Variants in CAPN8 observed in about 807,000 individuals in gnomAD.
CAPN8 encodes the protein calpain 8, also known as calpain-8.
A neutral mutation model predicts 80.9 loss-of-function variants in CAPN8; 87 were observed. The observed-to-expected ratio is 1.07, with a 90% CI of 0.90 to 1.28. The LOEUF is 1.28. CAPN8 is among the 50% of genes most tolerant of loss of function. The pLI, the probability that CAPN8 is intolerant of heterozygous loss-of-function variation, is 0.00. For missense variants in CAPN8, 757 were observed against 702.0 expected, an observed-to-expected ratio of 1.08 and a Z score of -0.89; for synonymous variants, 299 against 273.8, an observed-to-expected ratio of 1.09 and a Z score of -0.91.
intron 2 of CAPN8, chr1:223,629,045 A>C (rs558859154): frequency 6.2e-5 from 27 of 437,782 alleles, no homozygotes; most frequent in Non-Finnish European, 1.1e-4. Flanking sequence ...CCACTCCTAC[A>C]CATTCAGCCA....
At chr1:223,550,854 C>T in intron 15 of CAPN8, 106 bp downstream of exon 15, 1 of 642,960 alleles carries the variant, frequency 1.6e-6, no homozygotes, top group South Asian at 1.8e-5. Context: ...CACCAATGCC[C>T]TTTCTCCCAC....
intron 2 of CAPN8, among the ~76,000 whole-genome samples, chr1:223,642,449 C>T (rs773160549): frequency 1.3e-5 from 2 of 152,178 alleles, no homozygotes; most frequent in Non-Finnish European, 2.9e-5. Flanking sequence ...GTTCCCATGA[C>T]GACCCAGAAG....
intron 10 of CAPN8, among the ~76,000 whole-genome samples, chr1:223,613,354 G>T (rs1324333076): frequency 2.6e-5 from 4 of 152,238 alleles, no homozygotes; most frequent in Non-Finnish European, 5.9e-5. Flanking sequence ...GGCCTCACAA[G>T]TATCTTCCTG....
chr1:223,556,061 T>C (rs1656900689), intron 13 of CAPN8, among the ~76,000 whole-genome samples: 1 of 152,260 alleles, frequency 6.6e-6, no homozygotes, highest in African/African-American at 2.4e-5. Context: ...TTATATCACA[T>C]GTTGGGAATG....
intron 2 of CAPN8, among the ~76,000 whole-genome samples, chr1:223,634,595 G>T (rs879496142): frequency 2.6e-5 from 4 of 152,152 alleles, no homozygotes; most frequent in African/African-American, 7.2e-5. Context: ...CACAAGTCTA[G>T]AGGCTGGGAA....
intron 6 of CAPN8, 39 bp from the exon 7 acceptor site, chr1:223,622,939 T>C (rs1268204755): frequency 2.0e-6 from 3 of 1,491,412 alleles, no homozygotes; most frequent in Non-Finnish European, 2.7e-6. Flanking sequence ...TGAATTACTA[T>C]GCTCCTGTTG....
chr1:223,639,074 T>C (rs1317127510), intron 2 of CAPN8, among the ~76,000 whole-genome samples: 2 of 152,084 alleles, frequency 1.3e-5, no homozygotes, highest in African/African-American at 4.8e-5. Flanking sequence ...ACCCTGTCTC[T>C]ATTAAAAATA....
chr1:223,658,998 CCACA>C (rs1658567760), intron 1 of CAPN8, among the ~76,000 whole-genome samples: 1 of 152,134 alleles, frequency 6.6e-6, no homozygotes, highest in South Asian at 2.1e-4. Flanking sequence ...TGCCACCTAC[CCACA>C]CTTAGAACCC....
chr1:223,558,324 A>G (rs1043148339), intron 12 of CAPN8, among the ~76,000 whole-genome samples, 157 bp from the exon 13 acceptor site: 11 of 152,226 alleles, frequency 7.2e-5, no homozygotes, highest in Non-Finnish European at 1.5e-4. Context: ...ATCTTTAGCC[A>G]AGATTCCTCT....
intron 8 of CAPN8, 64 bp downstream of exon 8, chr1:223,620,128 C>T: frequency 7.3e-7 from 1 of 1,375,350 alleles, no homozygotes; most frequent in Non-Finnish European, 1.0e-6. Flanking sequence ...ACCTAGAGTT[C>T]ACATCAGAAC....
chr1:223,622,901 C>T lies in CAPN8; in HGVS notation c.814-1G>A. On this transcript the variant is annotated splice_acceptor_variant, in intron 6 of 20. Transcript: ENST00000366872. LOFTEE classifies it high-confidence loss of function. ...TCTCTGGATGGCCCTGGAAATTCAC[C>T]TGCAAATTCCATACACAGAAAAGCG... 6.4e-7 allele frequency: 1 copy of T among 1,550,984 alleles called. No homozygotes were observed. Among genetic ancestry groups the T allele is most frequent in the Non-Finnish European group, 8.7e-7 (1 of 1,146,318 alleles).
At chr1:223,636,926 G>C (rs912664918) in intron 2 of CAPN8, among the ~76,000 whole-genome samples, 1 of 152,080 alleles carries the variant, frequency 6.6e-6, no homozygotes, top group African/African-American at 2.4e-5. Context: ...CCCGCTTTCT[G>C]TTTCCCCCCT....
chr1:223,550,430 C>T (rs542006985), intron 15 of CAPN8, among the ~76,000 whole-genome samples: 166 of 152,286 alleles, frequency 1.1e-3, no homozygotes, highest in African/African-American at 3.9e-3. Context: ...CTGTGTCCTC[C>T]TGTGGGCTGG....
chr1:223,554,898 G>C (rs1656871202), intron 13 of CAPN8, among the ~76,000 whole-genome samples: 1 of 152,244 alleles, frequency 6.6e-6, no homozygotes, highest in Non-Finnish European at 1.5e-5. Flanking sequence ...ACTTTCTGAT[G>C]TGACAATGGG....
intron 2 of CAPN8, among the ~76,000 whole-genome samples, chr1:223,629,371 C>T (rs1461995663): frequency 6.6e-6 from 1 of 152,114 alleles, no homozygotes; most frequent in Non-Finnish European, 1.5e-5. Flanking sequence ...TGAGATACTG[C>T]TTAGCATTAA....
At chr1:223,556,081 C>T (rs1251527561) in intron 13 of CAPN8, among the ~76,000 whole-genome samples, 1 of 152,220 alleles carries the variant, frequency 6.6e-6, no homozygotes, top group Non-Finnish European at 1.5e-5. Flanking sequence ...GTCTTTACAA[C>T]CCTGCTCAAA....
intron 19 of CAPN8, 129 bp from the exon 20 acceptor site, chr1:223,543,295 C>T: frequency 9.3e-7 from 1 of 1,077,124 alleles, no homozygotes; most frequent in South Asian, 1.6e-5. Context: ...CCCCTCCCCT[C>T]CAGCCCCCAC....
chr1:223,618,141 CA>C, intron 9 of CAPN8: 1 of 1,325,130 alleles, frequency 7.5e-7, no homozygotes, highest in East Asian at 2.5e-5. Flanking sequence ...AACAGCAAAC[CA>C]GGCAGGGAAC....
intron 1 of CAPN8, among the ~76,000 whole-genome samples, chr1:223,655,984 C>G (rs1422517745): frequency 6.6e-6 from 1 of 151,988 alleles, no homozygotes; most frequent in Non-Finnish European, 1.5e-5. Context: ...TCAGAAAGGA[C>G]CAGGAAGCAG....
Sources: gnomAD v4.1 joint callset for allele counts (sites outside exome capture counted in the v4.1 genomes callset) on GRCh38, gnomAD v4.1.1 for gene constraint, MANE v1.5 for transcripts, NCBI Gene and HGNC (gene_info 2026-07-23, HGNC 2026-07-21) for gene names.